Variants in PRKCE observed in about 807,000 individuals in gnomAD.
The protein encoded by PRKCE is protein kinase C epsilon type.
Under a neutral mutation model 85.4 loss-of-function variants are expected in PRKCE, and 16 were observed. The ratio of observed to expected loss-of-function variants is 0.19; its 90% confidence interval spans 0.13 to 0.28. The LOEUF is 0.28. Among genes scored for constraint, PRKCE ranks in the 10% least tolerant of loss-of-function variants. The pLI is 1.00. For missense variants in PRKCE, 573 were observed against 975.2 expected (o/e 0.59, Z 5.49); for synonymous variants, 388 against 371.5 (o/e 1.04, Z -0.51).
chr2:45,921,295 T>C (rs1357400749), intron 2 of PRKCE, among the ~76,000 whole-genome samples: 1 of 152,208 alleles, frequency 6.6e-6, no homozygotes, highest in Non-Finnish European at 1.5e-5. Context: ...AGAATTCCTA[T>C]AGCCTTTGAG....
intron 2 of PRKCE, among the ~76,000 whole-genome samples, chr2:45,960,082 C>A (rs1701275489): frequency 6.6e-6 from 1 of 152,268 alleles, no homozygotes; most frequent in South Asian, 2.1e-4. Context: ...CTTAAAAAAT[C>A]TTTAGACCAC....
rs538613899 is a variant in PRKCE at position 46,114,187 on chromosome 2, G to A, written c.1592+27825G>A. Among the ~76,000 whole-genome samples, 4 of 152,118 alleles carry A rather than the reference G, an allele frequency of 2.6e-5. No homozygotes were observed. In the South Asian group the frequency reaches 6.2e-4, roughly 24 times the overall value. On this transcript the variant is annotated intron_variant, in intron 11 of 14. Coordinates refer to ENST00000306156, the MANE Select transcript of PRKCE (RefSeq NM_005400.3). The stretch of plus-strand genomic sequence containing the variant: ...GCTTCACAGCAGTGGTGGGTATGTC[G>A]AGAGGCACAGAACTCGAGGGTTCTG...
At chr2:46,110,169 G>T (rs1261925242) in intron 11 of PRKCE, among the ~76,000 whole-genome samples, 1 of 152,096 alleles carries the variant, frequency 6.6e-6, no homozygotes, top group African/African-American at 2.4e-5. Context: ...TAATATCTTT[G>T]TCTGGTTTTA....
chr2:45,860,729 G>A (rs1338211623), intron 2 of PRKCE, among the ~76,000 whole-genome samples: 3 of 152,232 alleles, frequency 2.0e-5, no homozygotes, highest in African/African-American at 2.4e-5. Flanking sequence ...GCCCACTTTG[G>A]CCAGTGCTCT....
intron 2 of PRKCE, among the ~76,000 whole-genome samples, chr2:45,860,857 G>C (rs1000438790): frequency 6.6e-6 from 1 of 152,108 alleles, no homozygotes; most frequent in Non-Finnish European, 1.5e-5. Flanking sequence ...GGAAAGCCTC[G>C]GCCCCTCCCC....
At chr2:46,103,294 A>T (rs1358396084) in intron 11 of PRKCE, among the ~76,000 whole-genome samples, 1 of 152,206 alleles carries the variant, frequency 6.6e-6, no homozygotes, top group African/African-American at 2.4e-5. Context: ...TTCTGGTATT[A>T]CAAAATGTAT....
intron 6 of PRKCE, among the ~76,000 whole-genome samples, chr2:45,997,613 C>A (rs1704324316): frequency 6.6e-6 from 1 of 152,012 alleles, no homozygotes; most frequent in African/African-American, 2.4e-5. Context: ...GTGGTATGAT[C>A]TCGGCTCACT....
intron 2 of PRKCE, among the ~76,000 whole-genome samples, chr2:45,914,040 C>G (rs1407254541): frequency 6.6e-6 from 1 of 152,160 alleles, no homozygotes; most frequent in African/African-American, 2.4e-5. Flanking sequence ...GGATTGAAAC[C>G]GTTAACAATG....
chr2:45,918,225 G>A (rs1394820441), intron 2 of PRKCE, among the ~76,000 whole-genome samples: 1 of 152,188 alleles, frequency 6.6e-6, no homozygotes, highest in Non-Finnish European at 1.5e-5. Context: ...CTGCCAGCAC[G>A]CTGTCACCTC....
chr2:45,715,264 A>G (rs1481145763), intron 1 of PRKCE, among the ~76,000 whole-genome samples: 2 of 152,166 alleles, frequency 1.3e-5, no homozygotes, highest in African/African-American at 2.4e-5. Context: ...TTTTGCCTCA[A>G]ACTCTCCCTA....
chr2:45,821,960 T>A (rs915170474), intron 1 of PRKCE, among the ~76,000 whole-genome samples: 5 of 152,034 alleles, frequency 3.3e-5, no homozygotes, highest in Admixed American at 2.6e-4. Flanking sequence ...CACAGCAGCT[T>A]ACAGTGAAGG....
At chr2:45,866,620 A>T (rs1693636519) in intron 2 of PRKCE, among the ~76,000 whole-genome samples, 2 of 152,228 alleles carry the variant, frequency 1.3e-5, no homozygotes, top group African/African-American at 4.8e-5. Context: ...GATTTTCTTC[A>T]GACTAACAAT....
At chr2:46,063,700 G>T (rs1667360015) in intron 10 of PRKCE, among the ~76,000 whole-genome samples, 1 of 152,166 alleles carries the variant, frequency 6.6e-6, no homozygotes, top group Non-Finnish European at 1.5e-5. Flanking sequence ...CAAGGGGCAG[G>T]AAAAGATTTA....
At chr2:46,009,460 T>C (rs1456646510) in intron 9 of PRKCE, among the ~76,000 whole-genome samples, 1 of 152,202 alleles carries the variant, frequency 6.6e-6, no homozygotes, top group Non-Finnish European at 1.5e-5. Flanking sequence ...TAAGTAAAAA[T>C]AGCATCAAGG....
chr2:45,799,626 C>G (rs1687702529), intron 1 of PRKCE, among the ~76,000 whole-genome samples: 1 of 152,120 alleles, frequency 6.6e-6, no homozygotes, highest in Non-Finnish European at 1.5e-5. Flanking sequence ...AAAAGATTGT[C>G]TTCCAAATAT....
intron 2 of PRKCE, among the ~76,000 whole-genome samples, chr2:45,946,126 G>C (rs1326168070): frequency 6.6e-6 from 1 of 152,228 alleles, no homozygotes; most frequent in Non-Finnish European, 1.5e-5. Context: ...AACCAAGGTG[G>C]CCAGAGTTTG....
chr2:45,950,096 A>C (rs960582378), intron 2 of PRKCE, among the ~76,000 whole-genome samples: 5 of 152,266 alleles, frequency 3.3e-5, no homozygotes, highest in South Asian at 4.1e-4. Context: ...ATTTCTTTTT[A>C]AGTATTATGA....
chr2:45,915,844 C>T (rs1370029380), intron 2 of PRKCE, among the ~76,000 whole-genome samples: 1 of 152,202 alleles, frequency 6.6e-6, no homozygotes, highest in African/African-American at 2.4e-5. Flanking sequence ...GCATCCTCCT[C>T]TCCCACTGTC....
chr2:46,120,188 CAT>C (rs565082067), intron 11 of PRKCE, among the ~76,000 whole-genome samples: 124 of 152,320 alleles, frequency 8.1e-4, no homozygotes, highest in African/African-American at 2.9e-3. Flanking sequence ...ACTCATCAAC[CAT>C]AGTCTCTTCA....
Sources: gnomAD v4.1 joint callset for allele counts (sites outside exome capture counted in the v4.1 genomes callset) on GRCh38, gnomAD v4.1.1 for gene constraint, MANE v1.5 for transcripts, NCBI Gene and HGNC (gene_info 2026-07-23, HGNC 2026-07-21) for gene names.